Variants in RDX observed in about 807,000 individuals in gnomAD.
RDX encodes deafness, autosomal recessive 24.
Under a neutral mutation model 83.7 loss-of-function variants are expected in RDX, and 32 were observed. The observed-to-expected ratio is 0.38, with a 90% CI of 0.29 to 0.51. The LOEUF (loss-of-function observed/expected upper bound fraction) is 0.51. Ranked by LOEUF, RDX falls within the 20% of genes least tolerant of loss-of-function variation. The pLI is 0.87. For missense variants in RDX, 600 were observed against 689.9 expected, an observed-to-expected ratio of 0.87 and a Z score of 1.46; for synonymous variants, 229 against 222.7, an observed-to-expected ratio of 1.03 and a Z score of -0.25.
chr11:110,200,420 C>CA (rs751790268), intron 14 of RDX: 1 of 152,228 alleles, frequency 6.6e-6, no homozygotes, highest in Non-Finnish European at 1.5e-5. Context: ...ATTAACTTGA[C>CA]AAAGAAACTG....
intron 15 of RDX, among the ~76,000 whole-genome samples, chr11:110,176,912 C>G (rs1862785219): frequency 6.6e-6 from 1 of 152,192 alleles, no homozygotes; most frequent in Non-Finnish European, 1.5e-5. Context: ...CTCTGCTGAC[C>G]TGAAGGAACC....
intron 10 of RDX, among the ~76,000 whole-genome samples, chr11:110,244,076 C>T (rs1365372597): frequency 6.6e-6 from 1 of 152,080 alleles, no homozygotes; most frequent in African/African-American, 2.4e-5. Flanking sequence ...CAGCATTAGT[C>T]ACCTTAGTCA....
rs996454744 is a variant in RDX at position 110,231,522 on chromosome 11, T to C, written c.*347A>G. 1 of 306,660 alleles carries C rather than the reference T, an allele frequency of 3.3e-6. No individual in the cohort carries two copies. 19.0% of individuals were successfully genotyped at this position (306,660 alleles called of 1,614,324 possible). On this transcript the variant is annotated 3_prime_UTR_variant, in exon 14 of 14. Coordinates refer to ENST00000645495, the MANE Select transcript of RDX (RefSeq NM_002906.4). ...GGAAACCCATTAAAATGTTCACCAT[T>C]ATCCTTTAAAATGTACACAGAACTG...
chr11:110,290,422 G>C (rs978406265), intron 1 of RDX, among the ~76,000 whole-genome samples: 1 of 151,994 alleles, frequency 6.6e-6, no homozygotes, highest in African/African-American at 2.4e-5. Context: ...TGAGGTGGAG[G>C]GATCACTTCA....
At chr11:110,295,652 A>C (rs12574817) in intron 1 of RDX, among the ~76,000 whole-genome samples, 24 of 151,088 alleles carry the variant, frequency 1.6e-4, no homozygotes, top group East Asian at 5.8e-4. Flanking sequence ...GAAAAAAAAA[A>C]AAAAACAAAA....
Position 110,231,113 on chromosome 11 carries a change from T to A in RDX, c.*756A>T, listed in dbSNP as rs1002357147. On this transcript the variant is annotated 3_prime_UTR_variant, in exon 14 of 14. Coordinates refer to ENST00000645495, the MANE Select transcript of RDX (RefSeq NM_002906.4). ...CTCCTAGGGAGCTACTACTGCTGTC[T>A]AAACCTCTGTGAAATGGTAGGCAAA... 2 of 152,576 alleles carry A rather than the reference T, an allele frequency of 1.3e-5. No individual in the cohort carries two copies. Among genetic ancestry groups the A allele is most frequent in the Non-Finnish European group, 2.9e-5 (2 of 68,070 alleles). 9.5% of individuals were successfully genotyped at this position (152,576 alleles called of 1,614,324 possible).
rs1860189038 is a variant in RDX, at chr11:110,269,142, C to T, written c.96+3394G>A. Among the ~76,000 whole-genome samples the T allele has an allele frequency of 2.6e-5, 4 of 151,962 alleles. No homozygotes were observed. The South Asian group carries it at 8.3e-4, about 32-fold the overall frequency. On this transcript the variant is annotated intron_variant, in intron 3 of 13. Transcript: ENST00000645495. ...CTAATGTTTGCATTTTTAGTAGAGA[C>T]AGTTTTGCAATATTGGACAGGAAAA...
intron 15 of RDX, among the ~76,000 whole-genome samples, chr11:110,198,077 A>G (rs1863264592): frequency 6.6e-6 from 1 of 152,222 alleles, no homozygotes; most frequent in South Asian, 2.1e-4. Context: ...TTTTTGTCAC[A>G]TAAATAAGTC....
At chr11:110,241,880 C>T (rs1366688449) in intron 10 of RDX, among the ~76,000 whole-genome samples, 3 of 152,092 alleles carry the variant, frequency 2.0e-5, no homozygotes, top group Admixed American at 6.5e-5. Context: ...TATGCTACAA[C>T]GTGGATGAAC....
chr11:110,253,879 T>C (rs1276209889), intron 9 of RDX, 67 bp downstream of exon 9: 1 of 1,362,784 alleles, frequency 7.3e-7, no homozygotes, highest in Non-Finnish European at 1.0e-6. Flanking sequence ...TTTAAAAAAC[T>C]GAGCAGTCTT....
intron 15 of RDX, among the ~76,000 whole-genome samples, chr11:110,181,403 C>A (rs1056786054): frequency 6.6e-6 from 1 of 152,180 alleles, no homozygotes; most frequent in Non-Finnish European, 1.5e-5. Context: ...ACCTCATGAT[C>A]TGCCCGCCTC....
intron 14 of RDX, among the ~76,000 whole-genome samples, chr11:110,210,490 A>T (rs1342452508): frequency 6.8e-5 from 10 of 147,902 alleles, no homozygotes; most frequent in African/African-American, 2.6e-4. Flanking sequence ...TACAGAGAAC[A>T]CCACAAAGAT....
chr11:110,209,840 A>C (rs1291805457), intron 14 of RDX, among the ~76,000 whole-genome samples: 10 of 147,022 alleles, frequency 6.8e-5, no homozygotes, highest in South Asian at 4.5e-4. Flanking sequence ...CCATCTGTAC[A>C]TCACCATCAT....
At chr11:110,247,528 G>C (rs1044405971) in intron 10 of RDX, among the ~76,000 whole-genome samples, 175 bp downstream of exon 10, 1 of 152,070 alleles carries the variant, frequency 6.6e-6, no homozygotes, top group African/African-American at 2.4e-5. Flanking sequence ...CTGTATAAAT[G>C]AATGTGCCTT....
intron 15 of RDX, among the ~76,000 whole-genome samples, chr11:110,188,114 C>T (rs4329655): frequency 0.041 from 6,275 of 151,954 alleles, 444 homozygotes; most frequent in African/African-American, 0.14. Flanking sequence ...GCCAAGATGG[C>T]GAAACCCCAT....
chr11:110,280,663 A>G (rs1860724229), intron 1 of RDX, among the ~76,000 whole-genome samples: 1 of 152,248 alleles, frequency 6.6e-6, no homozygotes. Context: ...GCATTCAGCT[A>G]GCACAGCGGC....
chr11:110,227,901 AAAG>A (rs1281361270), downstream of RDX, among the ~76,000 whole-genome samples: 1 of 152,126 alleles, frequency 6.6e-6, no homozygotes, highest in African/African-American at 2.4e-5. Flanking sequence ...TTCAACTCCT[AAAG>A]TAGTCCATAT....
At position 110,295,009 on chromosome 11, in the gene RDX, G is replaced by A. The variant is rs1480067509; in HGVS notation, c.-65+1458C>T. On this transcript the variant is annotated intron_variant, in intron 1 of 13. Transcript: ENST00000645495. ...TAAATTCCATCATATATAAAAAAGC[G>A]ATTAAGCAAAGAAAGTCACTGCAAT... Among the ~76,000 whole-genome samples, 5 of 152,204 alleles carry A rather than the reference G, an allele frequency of 3.3e-5. No homozygotes were observed. The East Asian group carries it at 7.7e-4, about 23-fold the overall frequency.
At chr11:110,249,191 CT>C (rs1442755763) in intron 9 of RDX, among the ~76,000 whole-genome samples, 3 of 152,126 alleles carry the variant, frequency 2.0e-5, no homozygotes, top group Non-Finnish European at 4.4e-5. Context: ...CAAATCACTA[CT>C]TTAATAACTT....
Sources: gnomAD v4.1 joint callset for allele counts (sites outside exome capture counted in the v4.1 genomes callset) on GRCh38, gnomAD v4.1.1 for gene constraint, MANE v1.5 for transcripts, NCBI Gene and HGNC (gene_info 2026-07-23, HGNC 2026-07-21) for gene names.